KICS2: variants seen among roughly 807,000 people sequenced by gnomAD.
The protein encoded by KICS2 is KICSTOR complex protein C12orf66.
Under a neutral mutation model 31.4 loss-of-function variants are expected in KICS2, and 13 were observed. The observed-to-expected ratio is 0.41, with a 90% CI of 0.27 to 0.66. KICS2 has a LOEUF of 0.66. KICS2 is among the 30% of genes least tolerant of loss of function. The pLI, the probability that KICS2 is intolerant of heterozygous loss-of-function variation, is 0.28. For synonymous variants in KICS2, 209 were observed against 214.8 expected (o/e 0.97, Z 0.24); for missense variants, 455 against 545.4 (o/e 0.83, Z 1.65).
intron 1 of KICS2, among the ~76,000 whole-genome samples, chr12:64,217,929 GAAGA>G (rs1035298326): frequency 2.0e-5 from 3 of 151,440 alleles, no homozygotes; most frequent in Non-Finnish European, 4.4e-5. Context: ...AGGAAGGAAG[GAAGA>G]AAGAAAGAGA....
At chr12:64,209,904 T>C (rs763278037) in intron 2 of KICS2, among the ~76,000 whole-genome samples, 2 of 152,204 alleles carry the variant, frequency 1.3e-5, no homozygotes, top group Non-Finnish European at 2.9e-5. Context: ...CCCTGAAAGA[T>C]AAATGGATCC....
At chr12:64,198,880 C>T (rs1799315341) in intron 2 of KICS2, among the ~76,000 whole-genome samples, 1 of 151,554 alleles carries the variant, frequency 6.6e-6, no homozygotes, top group African/African-American at 2.4e-5. Flanking sequence ...TCCACACATA[C>T]ACTCTCCCAA....
chr12:64,221,907 A>G, intron 1 of KICS2, 96 bp downstream of exon 1: 3 of 1,316,002 alleles, frequency 2.3e-6, no homozygotes, highest in Non-Finnish European at 3.1e-6. Flanking sequence ...TGCGACTAGA[A>G]GTGACACAGA....
intron 2 of KICS2, among the ~76,000 whole-genome samples, chr12:64,195,760 G>A (rs1158460113): frequency 3.9e-5 from 6 of 152,254 alleles, no homozygotes; most frequent in Non-Finnish European, 7.3e-5. Flanking sequence ...TGCGCGAGCC[G>A]AAGCAGGGCG....
At chr12:64,220,973 A>G (rs1475427666) in intron 1 of KICS2, among the ~76,000 whole-genome samples, 1 of 152,192 alleles carries the variant, frequency 6.6e-6, no homozygotes, top group African/African-American at 2.4e-5. Flanking sequence ...CTAAATAAGT[A>G]TGTATAAATC....
chr12:64,202,869 T>G (rs1473060999), intron 2 of KICS2, among the ~76,000 whole-genome samples: 1 of 151,934 alleles, frequency 6.6e-6, no homozygotes, highest in Non-Finnish European at 1.5e-5. Flanking sequence ...AAAGGGCAAG[T>G]TCAGGGACCC....
intron 2 of KICS2, among the ~76,000 whole-genome samples, chr12:64,196,262 C>T (rs1172476807): frequency 3.4e-5 from 5 of 146,560 alleles, no homozygotes; most frequent in African/African-American, 1.3e-4. Context: ...TGAGAACCGG[C>T]AGACTGCCTC....
At chr12:64,212,256 G>C (rs540372391) in intron 2 of KICS2, among the ~76,000 whole-genome samples, 1 of 152,188 alleles carries the variant, frequency 6.6e-6, no homozygotes, top group South Asian at 2.1e-4. Context: ...ATCAATTTTA[G>C]AAAAGTCTCA....
rs2037396563 is a variant in KICS2 at position 64,193,084 on chromosome 12, G to A, written c.*758C>T. 3 of 985,412 alleles carry A rather than the reference G, an allele frequency of 3.0e-6. No homozygotes were observed. The South Asian group carries it at 1.4e-4, about 46-fold the overall frequency. 61.0% of individuals were successfully genotyped at this position (985,412 alleles called of 1,614,324 possible). ...CAGAAAGCGAAGCGGATAATATGCT[G>A]AAGAATGAAGAAAGCCCACATGATG... On this transcript the variant is annotated 3_prime_UTR_variant, in exon 3 of 3. Transcript: ENST00000398055.
chr12:64,207,809 T>C (rs2037552196), intron 2 of KICS2, among the ~76,000 whole-genome samples: 2 of 152,180 alleles, frequency 1.3e-5, no homozygotes, highest in South Asian at 2.1e-4. Flanking sequence ...GGAAGTCTGT[T>C]ATGCAGACTT....
intron 2 of KICS2, among the ~76,000 whole-genome samples, chr12:64,196,293 CTGA>C (rs1273964009): frequency 5.9e-5 from 9 of 151,806 alleles, no homozygotes; most frequent in Non-Finnish European, 1.2e-4. Flanking sequence ...TTCCTGACCC[CTGA>C]CCCCCGAGCA....
At chr12:64,188,941 TC>T (rs767791576), downstream of KICS2, among the ~76,000 whole-genome samples, 5 of 151,980 alleles carry the variant, frequency 3.3e-5, no homozygotes, top group Non-Finnish European at 7.4e-5. Flanking sequence ...GATCATGAGG[TC>T]AAGAGATGGA....
chr12:64,222,196 T>C lies in KICS2; in HGVS notation c.42A>G (p.Glu14=). ...AGAAGAACGTCTCCAGCACCGCCTG[T>C]TCCACCGGGACCGGGGCGGCCAGCG... ...SIPLAAPVPV[E]QAVLETFFSH... is the part of the protein sequence containing the mutation. The change falls in exon 1 of 3, where the codon GAA becomes GAG. Residue 14 remains glutamate, a synonymous_variant. Transcript: ENST00000398055. 1 of 1,614,054 alleles carries C rather than the reference T, an allele frequency of 6.2e-7. No homozygotes were observed. Among genetic ancestry groups the C allele is most frequent in the Non-Finnish European group, 8.5e-7 (1 of 1,179,948 alleles).
chr12:64,189,114 T>C (rs2037361000), downstream of KICS2, among the ~76,000 whole-genome samples: 1 of 151,776 alleles, frequency 6.6e-6, no homozygotes, highest in Admixed American at 6.6e-5. Context: ...GATCGTGCCA[T>C]TGCACTCCAG....
intron 2 of KICS2, among the ~76,000 whole-genome samples, chr12:64,205,451 A>C (rs1313152187): frequency 6.6e-6 from 1 of 152,180 alleles, no homozygotes; most frequent in Non-Finnish European, 1.5e-5. Context: ...CCTCATAGCT[A>C]TTCACAACTC....
rs977708558 is a variant in KICS2, at chr12:64,193,520, C to T, written c.*322G>A. ...CAGTAGAACACAATGTTTAGAACAA[C>T]AGAAAAACATATGGGAAAAAAAAAA... On this transcript the variant is annotated 3_prime_UTR_variant, in exon 3 of 3. Transcript: ENST00000398055. 5 of 1,070,686 alleles carry T rather than the reference C, an allele frequency of 4.7e-6. No individual in the cohort carries two copies. In the African/African-American group the frequency reaches 8.4e-5, roughly 18 times the overall value. The allele number at this position is 1,070,686 out of a possible 1,614,324, so 66.3% of individuals were successfully genotyped here.
At chr12:64,219,333 T>C (rs769350450) in intron 1 of KICS2, among the ~76,000 whole-genome samples, 1 of 152,200 alleles carries the variant, frequency 6.6e-6, no homozygotes, top group Non-Finnish European at 1.5e-5. Flanking sequence ...CCACAGGCAT[T>C]GAGTCAGCAT....
intron 2 of KICS2, among the ~76,000 whole-genome samples, chr12:64,208,073 G>C (rs1309519007): frequency 6.6e-6 from 1 of 152,068 alleles, no homozygotes; most frequent in Non-Finnish European, 1.5e-5. Context: ...GCAGTGGTGC[G>C]ATCTCAGCTC....
rs1245724786 is a variant in KICS2 at position 64,199,866 on chromosome 12, G to GAAT, written c.522-5211_522-5209dup. Among the ~76,000 whole-genome samples, 451 of 121,706 alleles carry GAAT rather than the reference G, an allele frequency of 3.7e-3. 4 individuals are homozygous for GAAT. The highest frequency in any genetic ancestry group is 0.015 in the African/African-American group (433 of 29,346). The allele number at this position is 121,706 out of a possible 152,430, so 79.8% of individuals were successfully genotyped here. A position where few individuals can be genotyped will look rare whatever the true frequency, so the allele number is the denominator to read the frequency against. On this transcript the variant is annotated intron_variant, in intron 2 of 2. Coordinates refer to ENST00000398055, the MANE Select transcript of KICS2 (RefSeq NM_152440.5). ...CTCCCATTCACAATTGCTTCAAAGA[G>GAAT]AATAAAATACCTAGGAATCCAACTT...
Sources: allele counts gnomAD v4.1 joint callset (sites outside exome capture counted in the v4.1 genomes callset), GRCh38; gene constraint gnomAD v4.1.1; transcripts MANE v1.5; gene names NCBI Gene and HGNC (gene_info 2026-07-23, HGNC 2026-07-21).